Variants in NFATC4 observed in about 807,000 individuals in gnomAD.
NFATC4 encodes the protein nuclear factor of activated T-cells, cytoplasmic 4.
Under a neutral mutation model 73.4 loss-of-function variants are expected in NFATC4, and 25 were observed. That is an observed-to-expected ratio of 0.34 (90% CI 0.25 to 0.48). The LOEUF (loss-of-function observed/expected upper bound fraction) is 0.48. Among genes scored for constraint, NFATC4 ranks in the 20% least tolerant of loss-of-function variants. The probability of loss-of-function intolerance (pLI) is 0.99; values close to 1 mark genes in which losing one functional copy is unlikely to be tolerated. For synonymous variants in NFATC4, 523 were observed against 510.3 expected (o/e 1.02, Z -0.34); for missense variants, 1,130 against 1,203.7 (o/e 0.94, Z 0.91).
Position 24,376,517 on chromosome 14 carries a change from G to T in NFATC4, c.2280G>T (p.Pro760=), listed in dbSNP as rs202122107. 4.3e-6 allele frequency: 7 copies of T among 1,613,900 alleles called. No individual in the cohort carries two copies. The highest frequency in any genetic ancestry group is 5.9e-6 in the Non-Finnish European group (7 of 1,179,940). Residue 760 remains proline, a synonymous_variant, in exon 9 of 10, where the codon CCG becomes CCT. Transcript: ENST00000250373. This position sits in a 1 kb window ranked among gnomAD's most constrained non-coding sequence, Gnocchi z 5.0. ...PQTGPPPSYR[P]GLRMFPETRG... is the part of the protein sequence containing the mutation. ...CGGGGCCCCCACCATCCTACAGACCGGGCCTGCGGATGTTCCCTGAGACTA... is the reference window on the plus strand; with the variant it reads ...CGGGGCCCCCACCATCCTACAGACCTGGCCTGCGGATGTTCCCTGAGACTA...
Position 24,376,639 on chromosome 14 carries a change from T to G in NFATC4, c.2402T>G (p.Leu801Arg). 1 of 1,613,350 alleles carries G rather than the reference T, an allele frequency of 6.2e-7. No homozygotes were observed. The highest frequency in any genetic ancestry group is 8.5e-7 in the Non-Finnish European group (1 of 1,179,798). The change falls in exon 9 of 10, where the codon CTG becomes CGG. Residue 801 changes from leucine (L) to arginine (R), a missense_variant. Leu to Arg is a moderately radical substitution (Grantham distance 102). Coordinates refer to ENST00000250373, the MANE Select transcript of NFATC4 (RefSeq NM_004554.5). The surrounding 1 kb of genome is among the most constrained non-coding windows in gnomAD (Gnocchi z 5.0). The part of the protein sequence containing the change: ...PYGGRGSSFS[L>R]GLPFSPPAPF... ...GGAGGGCGGGGCTCCTCTTTCTCCC[T>G]GGGGCTGCCATTCTCTCCGCCAGCC... is the stretch of plus-strand genomic sequence containing the variant.
At position 24,377,708 on chromosome 14, in the gene NFATC4, C is replaced by T. The variant is rs1007454572; in HGVS notation, c.*3C>T. ...CTGGAGAAGAGCCTCCTGCCTGAAC[C>T]ACGTGAACTGTCATCACCTGGCAAC... On this transcript the variant is annotated 3_prime_UTR_variant, in exon 10 of 10. Coordinates refer to ENST00000250373, the MANE Select transcript of NFATC4 (RefSeq NM_004554.5). This position sits in a 1 kb window ranked among gnomAD's most constrained non-coding sequence, Gnocchi z 4.2. The T allele has an allele frequency of 1.2e-6, 2 of 1,614,084 alleles. No individual in the cohort carries two copies. Among genetic ancestry groups the T allele is most frequent in the African/African-American group, 2.7e-5 (2 of 74,928 alleles).
Position 24,370,613 on chromosome 14 carries a change from A to C in NFATC4, c.1196+19A>C. On this transcript the variant is annotated intron_variant, in intron 2 of 9. Coordinates refer to ENST00000250373, the MANE Select transcript of NFATC4 (RefSeq NM_004554.5). ...TCTTCAGGTGAGGGTTGCGCCTGGC[A>C]CTACCGCTCTCTCTAGCCATTCCAG... 1 of 1,591,544 alleles carries C rather than the reference A, an allele frequency of 6.3e-7. No homozygotes were observed. Among genetic ancestry groups the C allele is most frequent in the Non-Finnish European group, 8.6e-7 (1 of 1,164,098 alleles).
rs764273553 is a variant in NFATC4, at chr14:24,374,460, G to A, written c.1867G>A (p.Gly623Ser). Reference sequence around the variant, plus strand: ...CTCCAAGGTGGTGTTCATTGAGAGGGGTCCTGGTGAGTACCTGCTGGGGAG... The same window carrying A: ...CTCCAAGGTGGTGTTCATTGAGAGGAGTCCTGGTGAGTACCTGCTGGGGAG... ...PDSKVVFIER[G>S]PDGKLQWEEE... The change falls in exon 6 of 10, where the codon GGT (glycine) becomes AGT (serine). Residue 623 changes from glycine (G) to serine (S), a missense_variant. Coordinates refer to ENST00000250373, the MANE Select transcript of NFATC4 (RefSeq NM_004554.5). 1 of 1,611,986 alleles carries A rather than the reference G, an allele frequency of 6.2e-7. No individual in the cohort carries two copies. The highest frequency in any genetic ancestry group is 1.1e-5 in the South Asian group (1 of 90,808).
chr14:24,367,348 T>C, upstream of NFATC4: 1 of 1,536,870 alleles, frequency 6.5e-7, no homozygotes, highest in Non-Finnish European at 8.7e-7. Context: ...TGGGATGCTA[T>C]CGGGTCAGAG....
Position 24,376,307 on chromosome 14 carries a change from G to A in NFATC4, c.2070G>A (p.Glu690=). The A allele has an allele frequency of 1.3e-6, 2 of 1,575,538 alleles. No individual in the cohort carries two copies. Among genetic ancestry groups the A allele is most frequent in the African/African-American group, 1.4e-5 (1 of 73,884 alleles). ...CTGTCTTCCCAGTGATCTGCAAAGA[G>A]GAGCCCCTACCGGACTCATCTCTGC... The part of the protein sequence containing the change: ...SFRFLPVICK[E]EPLPDSSLRG... The change falls in exon 9 of 10, where the codon GAG becomes GAA. Residue 690 remains glutamate (E), a synonymous_variant. Transcript: ENST00000250373. This position sits in a 1 kb window ranked among gnomAD's most constrained non-coding sequence, Gnocchi z 5.0.
chr14:24,370,033 G>A lies in NFATC4; in HGVS notation c.635G>A (p.Gly212Asp). 1 of 1,610,834 alleles carries A rather than the reference G, an allele frequency of 6.2e-7. No homozygotes were observed. Among genetic ancestry groups the A allele is most frequent in the Non-Finnish European group, 8.5e-7 (1 of 1,179,944 alleles). Reference protein sequence around the residue: ...LNEAASRFGLGSPLPSPRASP... With the variant: ...LNEAASRFGLDSPLPSPRASP... ...GAGGCGGCCTCCCGCTTTGGCCTGGGCTCCCCGCTGCCCTCGCCCCGGGCC... is the reference window on the plus strand; with the variant it reads ...GAGGCGGCCTCCCGCTTTGGCCTGGACTCCCCGCTGCCCTCGCCCCGGGCC... Residue 212 changes from glycine to aspartate, a missense_variant, in exon 2 of 10, where the codon GGC becomes GAC. Transcript: ENST00000250373.
At position 24,376,848 on chromosome 14, in the gene NFATC4, G is replaced by A. The variant is rs2042638020; in HGVS notation, c.2611G>A (p.Val871Ile). Reference sequence around the variant, plus strand: ...CTACAGCAGCGGCTTCCGAGACAGTGTCCCTATCCAGGGTATCACGCTGGA... The same window carrying A: ...CTACAGCAGCGGCTTCCGAGACAGTATCCCTATCCAGGGTATCACGCTGGA... ...GGYSSGFRDS[V>I]PIQGITLEEV... Residue 871 changes from valine to isoleucine, a missense_variant, in exon 9 of 10, where the codon GTC becomes ATC. Val to Ile is a conservative substitution (Grantham distance 29). Coordinates refer to ENST00000250373, the MANE Select transcript of NFATC4 (RefSeq NM_004554.5). The surrounding 1 kb of genome is among the most constrained non-coding windows in gnomAD (Gnocchi z 5.0). 1 of 1,591,718 alleles carries A rather than the reference G, an allele frequency of 6.3e-7. No individual in the cohort carries two copies. Among genetic ancestry groups the A allele is most frequent in the East Asian group, 2.2e-5 (1 of 44,690 alleles).
At position 24,376,514 on chromosome 14, in the gene NFATC4, A is replaced by G; in HGVS notation, c.2277A>G (p.Arg759=). Residue 759 remains arginine (R), a synonymous_variant, in exon 9 of 10, where the codon AGA becomes AGG. Transcript: ENST00000250373. This position sits in a 1 kb window ranked among gnomAD's most constrained non-coding sequence, Gnocchi z 5.0. ...AGACGGGGCCCCCACCATCCTACAGACCGGGCCTGCGGATGTTCCCTGAGA... is the reference window on the plus strand; with the variant it reads ...AGACGGGGCCCCCACCATCCTACAGGCCGGGCCTGCGGATGTTCCCTGAGA... ...YPQTGPPPSY[R]PGLRMFPETR... The G allele has an allele frequency of 6.2e-7, 1 of 1,613,166 alleles. No individual in the cohort carries two copies. Among genetic ancestry groups the G allele is most frequent in the Non-Finnish European group, 8.5e-7 (1 of 1,179,394 alleles).
chr14:24,367,049 G>T, upstream of NFATC4: 5 of 1,613,690 alleles, frequency 3.1e-6, no homozygotes, highest in Non-Finnish European at 4.2e-6. Context: ...GTGTGTGTGG[G>T]AGAAAATGAT....
chr14:24,368,329 C>G lies in NFATC4; in HGVS notation c.-12C>G. 1 of 1,391,706 alleles carries G rather than the reference C, an allele frequency of 7.2e-7. No individual in the cohort carries two copies. The highest frequency in any genetic ancestry group is 9.3e-7 in the Non-Finnish European group (1 of 1,074,186). The allele number at this position is 1,391,706 out of a possible 1,614,324, so 86.2% of individuals were successfully genotyped here. On this transcript the variant is annotated 5_prime_UTR_variant, in exon 1 of 10. Transcript: ENST00000250373. The stretch of plus-strand genomic sequence containing the variant: ...CCACCCAGGCCGGGACCTGGGGGCT[C>G]CTGCCGGATCCATGGGGGCGGCCAG...
At chr14:24,367,254 G>T (rs780721423), upstream of NFATC4, 3 of 1,606,862 alleles carry the variant, frequency 1.9e-6, no homozygotes, top group Non-Finnish European at 2.5e-6. Context: ...GGGGGCCAAG[G>T]AGGGGGAAGA....
Position 24,369,972 on chromosome 14 carries a change from T to C in NFATC4, c.574T>C (p.Tyr192His). Residue 192 changes from tyrosine (Y) to histidine (H), a missense_variant, in exon 2 of 10, where the codon TAT (tyrosine) becomes CAT (histidine). Tyr to His is a moderately conservative substitution (Grantham distance 83, BLOSUM62 2). Around this residue, in one of 3 missense-constraint regions of NFATC4, gnomAD observed 585 missense variants for 574.3 expected, o/e 1.02. Transcript: ENST00000250373. ...CGATGCCTCTGACGAGGCAGCCCTG[T>C]ATGCAGCCTGCGACGAGGTGGAGTC... ...FSDASDEAAL[Y>H]AACDEVESEL... 1 of 1,612,952 alleles carries C rather than the reference T, an allele frequency of 6.2e-7. No homozygotes were observed. Among genetic ancestry groups the C allele is most frequent in the Non-Finnish European group, 8.5e-7 (1 of 1,179,974 alleles).
intron 1 of NFATC4, chr14:24,368,969 G>C: frequency 5.8e-6 from 6 of 1,030,266 alleles, no homozygotes; most frequent in Non-Finnish European, 7.1e-6. Context: ...CCCCCGGCTG[G>C]GCCCAGCACG....
upstream of NFATC4, chr14:24,367,927 A>C (rs766660733): frequency 6.2e-4 from 782 of 1,266,548 alleles, 1 homozygote; most frequent in Non-Finnish European, 7.3e-4. Flanking sequence ...GCGGGAAATG[A>C]TTGTCACAAC....
Position 24,372,477 on chromosome 14 carries a change from C to T in NFATC4, c.1233C>T (p.Pro411=), listed in dbSNP as rs2139294165. The T allele has an allele frequency of 1.2e-6, 2 of 1,614,010 alleles. No homozygotes were observed. Among genetic ancestry groups the T allele is most frequent in the Admixed American group, 3.3e-5 (2 of 60,020 alleles). The change falls in exon 3 of 10, where the codon CCC becomes CCT. Residue 411 remains proline (P), a synonymous_variant. Coordinates refer to ENST00000250373, the MANE Select transcript of NFATC4 (RefSeq NM_004554.5). ...SALPPLDWPL[P]SQYEQLELRI... is the part of the protein sequence containing the mutation. ...TACCCCCACTGGACTGGCCTCTGCC[C>T]AGCCAATATGAGCAGCTGGAGCTGA...
Position 24,376,800 on chromosome 14 carries a change from G to C in NFATC4, c.2563G>C (p.Glu855Gln). 2 of 1,609,514 alleles carry C rather than the reference G, an allele frequency of 1.2e-6. No individual in the cohort carries two copies. Among genetic ancestry groups the C allele is most frequent in the Non-Finnish European group, 1.7e-6 (2 of 1,178,434 alleles). Residue 855 changes from glutamate to glutamine, a missense_variant, in exon 9 of 10, where the codon GAG becomes CAG. By Grantham distance (29) the Glu-to-Gln change is conservative. This residue lies in a region of NFATC4 where 390 missense variants were observed against 408.1 expected (regional missense o/e 0.96). Coordinates refer to ENST00000250373, the MANE Select transcript of NFATC4 (RefSeq NM_004554.5). The surrounding 1 kb of genome is among the most constrained non-coding windows in gnomAD (Gnocchi z 5.0). ...PGYGPGEGAP[E>Q]QEKSRGGYSS... is the part of the protein sequence containing the mutation. The stretch of plus-strand genomic sequence containing the variant: ...CTATGGCCCTGGGGAGGGGGCTCCG[G>C]AGCAGGAGAAATCCAGGGGTGGCTA...
At position 24,372,386 on chromosome 14, in the gene NFATC4, G is replaced by A. The variant is rs878926275; in HGVS notation, c.1197-55G>A. 1.2e-4 allele frequency: 186 copies of A among 1,583,034 alleles called. 4 individuals are homozygous for A. The South Asian group carries it at 1.8e-3, about 16-fold the overall frequency. On this transcript the variant is annotated intron_variant, in intron 2 of 9. Transcript: ENST00000250373. ...CCCTCCTCCCTCACAGATCCAGTACGGGCCTGACTGGGGTCTGAGGCTGCA... is the reference window on the plus strand; with the variant it reads ...CCCTCCTCCCTCACAGATCCAGTACAGGCCTGACTGGGGTCTGAGGCTGCA...
intron 1 of NFATC4, 43 bp downstream of exon 1, chr14:24,368,483 A>C (rs1208065667): frequency 1.1e-5 from 13 of 1,189,552 alleles, no homozygotes; most frequent in Non-Finnish European, 1.4e-5. Flanking sequence ...CAGTGAGAGG[A>C]GGGCCGGGGA....
Sources: allele counts gnomAD v4.1 joint callset, GRCh38; gene constraint gnomAD v4.1.1; regional missense constraint gnomAD v4.1.1; non-coding constraint Gnocchi (gnomAD v3.1); transcripts MANE v1.5; gene names NCBI Gene and HGNC (gene_info 2026-07-23, HGNC 2026-07-21).